The following TTC3 variants were observed in gnomAD, a reference collection of about 807,000 sequenced individuals.
TTC3 encodes the protein tetratricopeptide repeat domain 3, also known as E3 ubiquitin-protein ligase TTC3.
TTC3 carries 180 observed loss-of-function variants against 249.6 expected under a neutral mutation model. That is an observed-to-expected ratio of 0.72 (90% CI 0.64 to 0.82). The LOEUF (loss-of-function observed/expected upper bound fraction) is 0.82. TTC3 is among the 40% of genes least tolerant of loss of function. The pLI is 0.00. For synonymous variants in TTC3, 717 were observed against 805.0 expected (o/e 0.89, Z 1.85); for missense variants, 2,061 against 2,398.4 (o/e 0.86, Z 2.94).
intron 20 of TTC3, among the ~76,000 whole-genome samples, chr21:37,142,166 A>G (rs1163183911): frequency 6.6e-6 from 1 of 152,222 alleles, no homozygotes; most frequent in African/African-American, 2.4e-5. Flanking sequence ...CGAAAACTGG[A>G]AGCATTTCCT....
intron 11 of TTC3, among the ~76,000 whole-genome samples, chr21:37,117,145 A>G (rs2076206181): frequency 6.6e-6 from 1 of 152,218 alleles, no homozygotes; most frequent in African/African-American, 2.4e-5. Flanking sequence ...GACCTTGTTT[A>G]AAAGACAGAT....
intron 45 of TTC3, 97 bp downstream of exon 45, chr21:37,200,421 T>G (rs2085375781): frequency 1.5e-6 from 2 of 1,324,494 alleles, no homozygotes; most frequent in Admixed American, 4.3e-5. Flanking sequence ...CAGTATTTAT[T>G]GTGCTTTCAA....
intron 35 of TTC3, among the ~76,000 whole-genome samples, chr21:37,180,103 G>T (rs1294881862): frequency 6.6e-6 from 1 of 152,184 alleles, no homozygotes; most frequent in African/African-American, 2.4e-5. Context: ...CGTTTCTGCA[G>T]CATCCTCTTC....
At position 37,124,600 on chromosome 21, in the gene TTC3, C is replaced by A; in HGVS notation, c.1110-19C>A. The A allele has an allele frequency of 6.2e-7, 1 of 1,603,944 alleles. No individual in the cohort carries two copies. The highest frequency in any genetic ancestry group is 1.1e-5 in the South Asian group (1 of 88,824). ...AACTTTCAAAAAATGTATAATAATT[C>A]CTTTTTTCCCCCACTTAGGGCCTAC... On this transcript the variant is annotated intron_variant, in intron 13 of 45. Coordinates refer to ENST00000355666, the Ensembl canonical transcript of TTC3.
chr21:37,094,829 G>T (rs987976887), intron 8 of TTC3, among the ~76,000 whole-genome samples: 1 of 152,020 alleles, frequency 6.6e-6, no homozygotes, highest in Non-Finnish European at 1.5e-5. Context: ...TTCAAGACAG[G>T]TTTATTTAAA....
At chr21:37,175,489 C>T (rs1379591533) in intron 35 of TTC3, among the ~76,000 whole-genome samples, 9 of 148,106 alleles carry the variant, frequency 6.1e-5, no homozygotes, top group Admixed American at 4.8e-4. Context: ...CCCAGCTACT[C>T]GGGAGGCTGA....
At position 37,192,842 on chromosome 21, in the gene TTC3, A is replaced by G. The variant is rs2084353983; in HGVS notation, c.5217+629A>G. ...TTATTTTAATATACACAGCACAGTA[A>G]AGAAAAGCATTAATTGCATTTTGTG... is the stretch of plus-strand genomic sequence containing the variant. On this transcript the variant is annotated intron_variant, in intron 41 of 45. Transcript: ENST00000355666. Among the ~76,000 whole-genome samples the G allele has an allele frequency of 4.6e-5, 7 of 152,212 alleles. No individual in the cohort carries two copies. In the South Asian group the frequency reaches 1.4e-3, roughly 31 times the overall value.
At chr21:37,182,716 C>A in intron 35 of TTC3, 58 bp from the exon 36 acceptor site, 1 of 1,456,142 alleles carries the variant, frequency 6.9e-7, no homozygotes, top group Non-Finnish European at 9.2e-7. Context: ...GCCTTTCAGT[C>A]TCTTTTGTTA....
At chr21:37,151,688 A>G (rs1225434036) in intron 25 of TTC3, among the ~76,000 whole-genome samples, 3 of 152,206 alleles carry the variant, frequency 2.0e-5, no homozygotes, top group Non-Finnish European at 2.9e-5. Flanking sequence ...ATCCTTAGAC[A>G]TCACCTAATC....
intron 11 of TTC3, among the ~76,000 whole-genome samples, chr21:37,115,117 C>A: frequency 6.6e-6 from 1 of 151,570 alleles, no homozygotes; most frequent in Non-Finnish European, 1.5e-5. Flanking sequence ...CAACATGGCA[C>A]ATGTATACCT....
intron 19 of TTC3, among the ~76,000 whole-genome samples, chr21:37,139,317 G>A (rs540533050): frequency 6.6e-6 from 1 of 152,256 alleles, no homozygotes; most frequent in Admixed American, 6.5e-5. Context: ...CATGTAGTCA[G>A]TGTATAGACA....
chr21:37,174,155 C>A (rs1031053777), intron 35 of TTC3, among the ~76,000 whole-genome samples: 1 of 152,168 alleles, frequency 6.6e-6, no homozygotes, highest in African/African-American at 2.4e-5. Flanking sequence ...CACAGTTCAT[C>A]AAGGCTCTTT....
At chr21:37,084,375 G>A (rs182336950) in intron 1 of TTC3, 1 of 152,294 alleles carries the variant, frequency 6.6e-6, no homozygotes, top group Admixed American at 6.5e-5. Context: ...TAGCAATTAA[G>A]GTAGACTATT....
intron 1 of TTC3, chr21:37,082,873 A>G (rs2071893988): frequency 1.0e-6 from 1 of 975,202 alleles, no homozygotes; most frequent in South Asian, 4.7e-5. Flanking sequence ...ATTTTATGGT[A>G]CCAAGCAAGC....
chr21:37,111,102 G>A (rs1322038868), intron 11 of TTC3, among the ~76,000 whole-genome samples: 5 of 152,126 alleles, frequency 3.3e-5, no homozygotes, highest in Non-Finnish European at 7.4e-5. Flanking sequence ...GCAAAAACAT[G>A]CCAATTTGTA....
At chr21:37,198,511 T>A (rs1236265745) in intron 44 of TTC3, among the ~76,000 whole-genome samples, 1 of 152,250 alleles carries the variant, frequency 6.6e-6, no homozygotes, top group Non-Finnish European at 1.5e-5. Context: ...TGTTTTTGCT[T>A]CATGATGGAT....
At chr21:37,172,224 T>A (rs986615770) in intron 34 of TTC3, among the ~76,000 whole-genome samples, 4 of 152,210 alleles carry the variant, frequency 2.6e-5, no homozygotes, top group Non-Finnish European at 4.4e-5. Flanking sequence ...TGTTTATATC[T>A]AAAATATGTA....
intron 21 of TTC3, 130 bp from the exon 22 acceptor site, chr21:37,147,351 G>A (rs1452801907): frequency 1.3e-6 from 1 of 774,456 alleles, no homozygotes; most frequent in Non-Finnish European, 1.9e-6. Flanking sequence ...TATGTAGTTT[G>A]TTGTTGGTGA....
At chr21:37,109,637 A>G (rs1156709142) in intron 11 of TTC3, among the ~76,000 whole-genome samples, 2 of 152,244 alleles carry the variant, frequency 1.3e-5, no homozygotes, top group Non-Finnish European at 2.9e-5. Flanking sequence ...CTCTGGGGGC[A>G]GGGCACAGAC....
Sources: gnomAD v4.1 joint callset for allele counts (sites outside exome capture counted in the v4.1 genomes callset) on GRCh38, gnomAD v4.1.1 for gene constraint, MANE v1.5 for transcripts, NCBI Gene and HGNC (gene_info 2026-07-23, HGNC 2026-07-21) for gene names.